EXOC4: variants seen among roughly 807,000 people sequenced by gnomAD.
EXOC4 encodes exocyst complex component 4.
A neutral mutation model predicts 107.2 loss-of-function variants in EXOC4; 71 were observed. The observed-to-expected ratio is 0.66, with a 90% CI of 0.55 to 0.81. The LOEUF (loss-of-function observed/expected upper bound fraction) is 0.81. Among genes scored for constraint, EXOC4 ranks in the 30% least tolerant of loss-of-function variants. The pLI is 0.00. For synonymous variants in EXOC4, 456 were observed against 441.2 expected, an observed-to-expected ratio of 1.03 and a Z score of -0.42; for missense variants, 1,108 against 1,189.6, an observed-to-expected ratio of 0.93 and a Z score of 1.01.
At chr7:134,083,884 G>A in the EXOC4 span, among the ~76,000 whole-genome samples, 9 of 152,190 alleles carry the variant, frequency 5.9e-5, no homozygotes, top group Admixed American at 5.9e-4. Flanking sequence ...TTTCAAGGGG[G>A]CAAGGTCTGA....
At chr7:133,623,793 C>G (rs1802388597) in intron 9 of EXOC4, among the ~76,000 whole-genome samples, 1 of 152,112 alleles carries the variant, frequency 6.6e-6, no homozygotes, top group African/African-American at 2.4e-5. Flanking sequence ...GCAACAAACC[C>G]AAGGTCACAT....
chr7:133,656,008 C>CCTTAGCATGGCTATGAT (rs1249374845), intron 10 of EXOC4, among the ~76,000 whole-genome samples: 2 of 152,144 alleles, frequency 1.3e-5, no homozygotes, highest in East Asian at 3.9e-4. Flanking sequence ...TGTGCTGTGA[C>CCTTAGCATGGCTATGAT]CTTAGCATGG....
intron 7 of EXOC4, among the ~76,000 whole-genome samples, chr7:133,430,841 A>G (rs1453224530): frequency 6.6e-6 from 1 of 152,192 alleles, no homozygotes; most frequent in Non-Finnish European, 1.5e-5. Context: ...ACTGTCTGAT[A>G]CTTTGAAAGG....
intron 2 of EXOC4, among the ~76,000 whole-genome samples, chr7:133,281,802 A>G (rs1195377130): frequency 6.6e-6 from 1 of 151,636 alleles, no homozygotes; most frequent in African/African-American, 2.4e-5. Context: ...CCCGGGTTCA[A>G]GTGATTCTCC....
In EXOC4 at chr7:133,632,597, A is replaced by T. The variant is rs1585044051; in HGVS notation, c.1514+2456A>T. On this transcript the variant is annotated intron_variant, in intron 10 of 17. Transcript: ENST00000253861. ...AGTGTTGGATTTATTATTTCTTCTAAAGTTCAGAAGTTTAGTTTTTGTAAT... is the reference window on the plus strand; with the variant it reads ...AGTGTTGGATTTATTATTTCTTCTATAGTTCAGAAGTTTAGTTTTTGTAAT... Among the ~76,000 whole-genome samples, 3 of 152,188 alleles carry T rather than the reference A, an allele frequency of 2.0e-5. No individual in the cohort carries two copies. In the South Asian group the frequency reaches 6.2e-4, roughly 32 times the overall value.
chr7:133,644,377 G>A (rs995859507), intron 10 of EXOC4, among the ~76,000 whole-genome samples: 20 of 152,118 alleles, frequency 1.3e-4, no homozygotes, highest in African/African-American at 4.6e-4. Context: ...TATTCCCATT[G>A]TATTTAAATT....
chr7:133,803,721 C>G (rs115154360), intron 10 of EXOC4, among the ~76,000 whole-genome samples: 42 of 152,248 alleles, frequency 2.8e-4, no homozygotes, highest in African/African-American at 9.6e-4. Flanking sequence ...ATAATCTATA[C>G]TTTTCTATAT....
intron 14 of EXOC4, among the ~76,000 whole-genome samples, chr7:133,975,745 GCACACACACA>G (rs57377025): frequency 6.7e-6 from 1 of 149,996 alleles, no homozygotes; most frequent in East Asian, 2.0e-4. Flanking sequence ...AAATGCGTGT[GCACACACACA>G]CACACACACA....
chr7:133,810,596 CTTTATTTTAT>C (rs60838740), intron 10 of EXOC4, among the ~76,000 whole-genome samples: 11 of 103,876 alleles, frequency 1.1e-4, no homozygotes, highest in South Asian at 5.8e-4. Flanking sequence ...CCATGCTTTG[CTTTATTTTAT>C]TTTATTTTAT....
chr7:133,513,995 T>C (rs1799823173), intron 9 of EXOC4, among the ~76,000 whole-genome samples: 1 of 152,178 alleles, frequency 6.6e-6, no homozygotes, highest in Non-Finnish European at 1.5e-5. Context: ...TATATCATGC[T>C]TATTAATTTA....
intron 10 of EXOC4, among the ~76,000 whole-genome samples, chr7:133,758,598 T>C (rs1314164953): frequency 6.6e-6 from 1 of 152,208 alleles, no homozygotes; most frequent in Non-Finnish European, 1.5e-5. Flanking sequence ...GAGTCACATA[T>C]ACAGATGCCA....
intron 2 of EXOC4, among the ~76,000 whole-genome samples, chr7:133,279,144 T>G (rs1169746208): frequency 6.6e-6 from 1 of 152,212 alleles, no homozygotes; most frequent in East Asian, 1.9e-4. Flanking sequence ...ACAAAGGACA[T>G]GAACTCATCA....
At chr7:133,343,320 A>G (rs1795708417) in intron 5 of EXOC4, among the ~76,000 whole-genome samples, 1 of 152,098 alleles carries the variant, frequency 6.6e-6, no homozygotes, top group Non-Finnish European at 1.5e-5. Context: ...CAGCAGAGCT[A>G]CTAGGCTATG....
intron 8 of EXOC4, among the ~76,000 whole-genome samples, chr7:133,476,473 T>C (rs1307903469): frequency 1.3e-5 from 2 of 152,206 alleles, no homozygotes; most frequent in African/African-American, 4.8e-5. Context: ...TCCCAGTATA[T>C]TGAATTTATT....
intron 14 of EXOC4, among the ~76,000 whole-genome samples, chr7:133,940,008 T>C (rs1800391711): frequency 6.6e-6 from 1 of 152,250 alleles, no homozygotes; most frequent in South Asian, 2.1e-4. Context: ...TAGTTTTCTT[T>C]GACTTGCAAA....
chr7:133,666,691 G>T (rs1305163153), intron 10 of EXOC4, among the ~76,000 whole-genome samples: 1 of 152,062 alleles, frequency 6.6e-6, no homozygotes, highest in Non-Finnish European at 1.5e-5. Context: ...CTCAACCTTT[G>T]CTCAGTGCTT....
At chr7:133,412,950 T>C (rs1335500455) in intron 7 of EXOC4, among the ~76,000 whole-genome samples, 1 of 152,150 alleles carries the variant, frequency 6.6e-6, no homozygotes, top group Non-Finnish European at 1.5e-5. Context: ...GCATTGCTGG[T>C]GCTCAGTTCA....
At chr7:133,864,850 A>G (rs1798603986) in intron 11 of EXOC4, among the ~76,000 whole-genome samples, 1 of 152,194 alleles carries the variant, frequency 6.6e-6, no homozygotes, top group African/African-American at 2.4e-5. Flanking sequence ...CTGAAACTCC[A>G]GGCATGGACA....
intron 7 of EXOC4, among the ~76,000 whole-genome samples, chr7:133,448,565 T>C (rs1193913368): frequency 2.0e-5 from 3 of 151,896 alleles, no homozygotes; most frequent in Admixed American, 1.3e-4. Flanking sequence ...ACTTCACCCA[T>C]CCCCAAGTGC....
Sources: allele counts gnomAD v4.1 joint callset (sites outside exome capture counted in the v4.1 genomes callset), GRCh38; gene constraint gnomAD v4.1.1; transcripts MANE v1.5; gene names NCBI Gene and HGNC (gene_info 2026-07-23, HGNC 2026-07-21).